The following SPAG16 variants were observed in gnomAD, a reference collection of about 807,000 sequenced individuals.
SPAG16 encodes the protein sperm associated antigen 16, also known as sperm-associated antigen 16 protein.
A neutral mutation model predicts 80.4 loss-of-function variants in SPAG16; 86 were observed. That is an observed-to-expected ratio of 1.07 (90% CI 0.90 to 1.28). SPAG16 has a LOEUF of 1.28. Among genes scored for constraint, SPAG16 ranks in the 50% most tolerant of loss-of-function variants. SPAG16 has a pLI of 0.00. For synonymous variants in SPAG16, 294 were observed against 265.9 expected (o/e 1.11, Z -1.03); for missense variants, 870 against 765.3 (o/e 1.14, Z -1.61).
In SPAG16 at chr2:213,317,300, G is replaced by C. The variant is rs151008552; in HGVS notation, c.480G>C (p.Leu160Phe). 51 of 1,610,848 alleles carry C rather than the reference G, an allele frequency of 3.2e-5. No individual in the cohort carries two copies. The highest frequency in any genetic ancestry group is 4.1e-5 in the Non-Finnish European group (48 of 1,178,170). Reference sequence around the variant, plus strand: ...ATGTCTACACCCAGATTATGCTTTTGGAAAATGAGAACAAAAATTTAAAGA... The same window carrying C: ...ATGTCTACACCCAGATTATGCTTTTCGAAAATGAGAACAAAAATTTAAAGA... ...VPDVYTQIML[L>F]ENENKNLKKD... Residue 160 changes from leucine (L) to phenylalanine (F), a missense_variant, in exon 5 of 16, where the codon TTG becomes TTC. Physicochemically the swap from Leu to Phe is conservative, Grantham distance 22 (BLOSUM62 0). Coordinates refer to ENST00000331683, the MANE Select transcript of SPAG16 (RefSeq NM_024532.5).
intron 10 of SPAG16, among the ~76,000 whole-genome samples, chr2:213,852,161 G>A (rs1160380450): frequency 6.6e-6 from 1 of 152,208 alleles, no homozygotes. Flanking sequence ...ACAACTGTGA[G>A]TTGACCTTTC....
intron 10 of SPAG16, among the ~76,000 whole-genome samples, chr2:213,767,999 A>G (rs138149442): frequency 6.6e-6 from 1 of 152,312 alleles, no homozygotes; most frequent in African/African-American, 2.4e-5. Flanking sequence ...GCACTGGAAC[A>G]GCTCTTAACT....
intron 12 of SPAG16, among the ~76,000 whole-genome samples, chr2:214,000,804 G>A (rs1296913104): frequency 6.6e-6 from 1 of 152,206 alleles, no homozygotes; most frequent in African/African-American, 2.4e-5. Context: ...GGCAAGCTCT[G>A]CGCATGAGGA....
At chr2:213,747,579 A>G (rs1235593154) in intron 10 of SPAG16, among the ~76,000 whole-genome samples, 4 of 152,214 alleles carry the variant, frequency 2.6e-5, no homozygotes, top group Non-Finnish European at 4.4e-5. Flanking sequence ...CTGTGTTCAG[A>G]TACACAAATA....
At chr2:214,212,908 A>G (rs1429231807) in intron 15 of SPAG16, among the ~76,000 whole-genome samples, 1 of 152,244 alleles carries the variant, frequency 6.6e-6, no homozygotes, top group Admixed American at 6.5e-5. Context: ...AGAACATGTA[A>G]GTCCACACAG....
intron 15 of SPAG16, among the ~76,000 whole-genome samples, chr2:214,166,459 G>T (rs2056660011): frequency 6.6e-6 from 1 of 152,140 alleles, no homozygotes. Flanking sequence ...TTACTCTCCA[G>T]CTACAGCTCC....
intron 9 of SPAG16, among the ~76,000 whole-genome samples, chr2:213,457,598 C>G (rs1394670008): frequency 1.3e-5 from 2 of 151,714 alleles, no homozygotes; most frequent in African/African-American, 4.8e-5. Flanking sequence ...TTTTTAAAAC[C>G]CTTGTATTAA....
chr2:213,960,860 C>G (rs1404947912), intron 12 of SPAG16, among the ~76,000 whole-genome samples: 1 of 152,102 alleles, frequency 6.6e-6, no homozygotes, highest in Non-Finnish European at 1.5e-5. Flanking sequence ...GCGGGAGGTA[C>G]AAAAACAATA....
rs147336723 is a variant in SPAG16, at chr2:214,207,615, C to T, written c.1720+58349C>T. Among the ~76,000 whole-genome samples, 5 of 152,116 alleles carry T rather than the reference C, an allele frequency of 3.3e-5. No homozygotes were observed. The South Asian group carries it at 6.2e-4, about 19-fold the overall frequency. ...TTCTTTATTTTGATGGTTAATATTA[C>T]GTGTCAGCTTGATTGCATGGAAGGA... On this transcript the variant is annotated intron_variant, in intron 15 of 15. Transcript: ENST00000331683.
intron 10 of SPAG16, among the ~76,000 whole-genome samples, chr2:213,849,252 C>G (rs1380355447): frequency 6.6e-6 from 1 of 152,012 alleles, no homozygotes; most frequent in African/African-American, 2.4e-5. Context: ...CATGCAGGAA[C>G]TAATAGAGTT....
chr2:213,439,443 A>G (rs1202334098), intron 9 of SPAG16, among the ~76,000 whole-genome samples: 1 of 152,218 alleles, frequency 6.6e-6, no homozygotes, highest in African/African-American at 2.4e-5. Context: ...TTGTTATTTA[A>G]AACTGGAAGA....
At chr2:213,337,303 A>G (rs2064416749) in intron 5 of SPAG16, among the ~76,000 whole-genome samples, 1 of 152,256 alleles carries the variant, frequency 6.6e-6, no homozygotes, top group East Asian at 1.9e-4. Context: ...AAAAAGCCAG[A>G]GTGCCTCTTC....
chr2:213,774,494 C>G (rs963820577), intron 10 of SPAG16, among the ~76,000 whole-genome samples: 2 of 152,160 alleles, frequency 1.3e-5, no homozygotes, highest in African/African-American at 4.8e-5. Context: ...ATTTAGGGGT[C>G]TACCCTATTT....
intron 9 of SPAG16, among the ~76,000 whole-genome samples, chr2:213,402,401 C>A (rs931153166): frequency 1.3e-5 from 2 of 151,886 alleles, no homozygotes; most frequent in African/African-American, 4.8e-5. Context: ...GCTCAATTCC[C>A]AAAAATTTAT....
intron 15 of SPAG16, among the ~76,000 whole-genome samples, chr2:214,398,043 C>T (rs1437191678): frequency 1.3e-5 from 2 of 152,150 alleles, no homozygotes; most frequent in Non-Finnish European, 2.9e-5. Flanking sequence ...ATTTTTACCC[C>T]TTATGAGACT....
intron 10 of SPAG16, among the ~76,000 whole-genome samples, chr2:213,776,483 T>A (rs567036238): frequency 6.6e-6 from 1 of 152,300 alleles, no homozygotes; most frequent in Admixed American, 6.5e-5. Context: ...TGCTAATCTA[T>A]AGAAGTGGAA....
intron 7 of SPAG16, among the ~76,000 whole-genome samples, chr2:213,355,977 G>T (rs571005539): frequency 2.0e-5 from 3 of 152,270 alleles, no homozygotes; most frequent in Non-Finnish European, 2.9e-5. Context: ...TCCAGTTTTT[G>T]CCCATTCAGT....
At chr2:213,720,462 C>T (rs1292005657) in intron 10 of SPAG16, among the ~76,000 whole-genome samples, 10 of 73,586 alleles carry the variant, frequency 1.4e-4, no homozygotes, top group Admixed American at 7.9e-4. Flanking sequence ...CCCATCTCTA[C>T]TAAAAATACA....
intron 10 of SPAG16, among the ~76,000 whole-genome samples, chr2:213,499,941 T>A (rs1225882616): frequency 5.3e-5 from 8 of 152,202 alleles, no homozygotes; most frequent in Admixed American, 5.2e-4. Context: ...AGACTTTCAC[T>A]GGATTCTTGA....
Sources: allele counts gnomAD v4.1 joint callset (sites outside exome capture counted in the v4.1 genomes callset), GRCh38; gene constraint gnomAD v4.1.1; transcripts MANE v1.5; gene names NCBI Gene and HGNC (gene_info 2026-07-23, HGNC 2026-07-21).